METTL24: variants seen among roughly 807,000 people sequenced by gnomAD.
METTL24 encodes the protein methyltransferase like 24.
METTL24 carries 29 observed loss-of-function variants against 32.7 expected under a neutral mutation model. The ratio of observed to expected loss-of-function variants is 0.89; its 90% CI spans 0.66 to 1.21. The LOEUF is 1.21. Among genes scored for constraint, METTL24 ranks in the 50% most tolerant of loss-of-function variants. METTL24 has a pLI of 0.00. For synonymous variants in METTL24, 163 were observed against 179.5 expected (o/e 0.91, Z 0.73); for missense variants, 439 against 468.1 (o/e 0.94, Z 0.57).
intron 4 of METTL24, among the ~76,000 whole-genome samples, chr6:110,288,684 G>A (rs1015732886): frequency 6.6e-6 from 1 of 152,150 alleles, no homozygotes; most frequent in African/African-American, 2.4e-5. Flanking sequence ...AAAGGACACA[G>A]CAGAGCTCAA....
chr6:110,298,815 G>A (rs963680542), intron 4 of METTL24, 107 bp downstream of exon 4: 20 of 887,348 alleles, frequency 2.3e-5, no homozygotes, highest in Middle Eastern at 3.3e-4. Flanking sequence ...GATTAAAATC[G>A]GACCTTCAGC....
At chr6:110,354,810 G>T (rs1157130075) in intron 1 of METTL24, among the ~76,000 whole-genome samples, 1 of 152,122 alleles carries the variant, frequency 6.6e-6, no homozygotes, top group African/African-American at 2.4e-5. Context: ...ACAAATTCAA[G>T]ATCAACACTA....
chr6:110,250,975 T>G (rs952767022), intron 4 of METTL24, among the ~76,000 whole-genome samples: 2 of 152,234 alleles, frequency 1.3e-5, no homozygotes, highest in African/African-American at 2.4e-5. Context: ...AAGAGGGCTC[T>G]CAAGCAAAAC....
rs115552830 is a variant in METTL24 at position 110,250,987 on chromosome 6, C to T, written c.787-4727G>A. Among the ~76,000 whole-genome samples the T allele has an allele frequency of 4.0e-3, 606 of 152,348 alleles. 6 individuals are homozygous for T. The highest frequency in any genetic ancestry group is 0.012 in the African/African-American group (479 of 41,580). ...TTTAAGAGGGCTCTCAAGCAAAACA[C>T]GTAGATTCTACGACATGCCTGCTGG... is the stretch of plus-strand genomic sequence containing the variant. On this transcript the variant is annotated intron_variant, in intron 4 of 4. Coordinates refer to ENST00000338882, the MANE Select transcript of METTL24 (RefSeq NM_001123364.3).
At chr6:110,324,144 G>C (rs1771979408) in intron 1 of METTL24, among the ~76,000 whole-genome samples, 6 of 152,206 alleles carry the variant, frequency 3.9e-5, no homozygotes. Context: ...TGGGTTTGGG[G>C]AAGAGGAATC....
chr6:110,335,120 T>C (rs1772187999), intron 1 of METTL24, among the ~76,000 whole-genome samples: 1 of 152,168 alleles, frequency 6.6e-6, no homozygotes, highest in South Asian at 2.1e-4. Flanking sequence ...TCCACAGTCT[T>C]TATTACGAAG....
At chr6:110,273,659 A>G (rs1258848090) in intron 4 of METTL24, among the ~76,000 whole-genome samples, 1 of 152,254 alleles carries the variant, frequency 6.6e-6, no homozygotes, top group Non-Finnish European at 1.5e-5. Flanking sequence ...AATGCAAATC[A>G]AAACCACAAT....
intron 1 of METTL24, among the ~76,000 whole-genome samples, chr6:110,352,239 AT>A (rs1382304537): frequency 4.6e-5 from 7 of 152,182 alleles, no homozygotes; most frequent in African/African-American, 1.7e-4. Flanking sequence ...CTTAGCCTTG[AT>A]TGTCACTTTT....
chr6:110,355,851 C>T (rs1772687891), intron 1 of METTL24, among the ~76,000 whole-genome samples: 1 of 152,218 alleles, frequency 6.6e-6, no homozygotes, highest in Non-Finnish European at 1.5e-5. Flanking sequence ...CCCCCATCTC[C>T]AGCCTGAATC....
intron 4 of METTL24, among the ~76,000 whole-genome samples, chr6:110,248,943 C>A (rs1485517581): frequency 6.6e-6 from 1 of 151,898 alleles, no homozygotes; most frequent in Admixed American, 6.6e-5. Context: ...GTAAAATTTT[C>A]TAATTGGTAC....
chr6:110,275,425 T>TC (rs1393010567), intron 4 of METTL24, among the ~76,000 whole-genome samples: 2 of 152,060 alleles, frequency 1.3e-5, no homozygotes, highest in Non-Finnish European at 2.9e-5. Flanking sequence ...ATTTACCATT[T>TC]CCCCTTCCTT....
At chr6:110,319,339 G>A (rs1771886908) in intron 2 of METTL24, among the ~76,000 whole-genome samples, 1 of 151,740 alleles carries the variant, frequency 6.6e-6, no homozygotes, top group African/African-American at 2.4e-5. Flanking sequence ...GTTATATTCT[G>A]AATATCCAGA....
chr6:110,309,873 AAAC>A, intron 3 of METTL24, among the ~76,000 whole-genome samples: 3 of 151,360 alleles, frequency 2.0e-5, no homozygotes, highest in African/African-American at 7.3e-5. Flanking sequence ...AAAAAAAACA[AAAC>A]AAAACAAAAC....
intron 4 of METTL24, among the ~76,000 whole-genome samples, chr6:110,293,893 A>C (rs1244794131): frequency 1.3e-5 from 2 of 151,502 alleles, no homozygotes; most frequent in Non-Finnish European, 2.9e-5. Flanking sequence ...AAGAGCTCTA[A>C]TCTTTTTTTT....
At chr6:110,334,667 A>C (rs1321037588) in intron 1 of METTL24, among the ~76,000 whole-genome samples, 1 of 152,228 alleles carries the variant, frequency 6.6e-6, no homozygotes, top group Non-Finnish European at 1.5e-5. Context: ...CGGTTTCCTC[A>C]TGAGGCTATC....
chr6:110,336,649 A>G (rs1163997966), intron 1 of METTL24, among the ~76,000 whole-genome samples: 1 of 151,732 alleles, frequency 6.6e-6, no homozygotes, highest in Non-Finnish European at 1.5e-5. Flanking sequence ...CTGAGGCAGA[A>G]GAATGGGTGA....
In METTL24 at chr6:110,245,403, G is replaced by C. The variant is rs903353469; in HGVS notation, c.*543C>G. Among the ~76,000 whole-genome samples the C allele has an allele frequency of 6.6e-6, 1 of 152,104 alleles. No individual in the cohort carries two copies. Among genetic ancestry groups the C allele is most frequent in the Non-Finnish European group, 1.5e-5 (1 of 68,034 alleles). On this transcript the variant is annotated 3_prime_UTR_variant, in exon 5 of 5. Transcript: ENST00000338882. Reference sequence around the variant, plus strand: ...AGAATTTGGTGCATCCGAGTTCCCAGAAATCAGAAGTATTGCTGCTTAGAA... The same window carrying C: ...AGAATTTGGTGCATCCGAGTTCCCACAAATCAGAAGTATTGCTGCTTAGAA...
At position 110,303,403 on chromosome 6, in the gene METTL24, A is replaced by T. The variant is rs552843106; in HGVS notation, c.558-4253T>A. On this transcript the variant is annotated intron_variant, in intron 3 of 4. Coordinates refer to ENST00000338882, the MANE Select transcript of METTL24 (RefSeq NM_001123364.3). ...CCACCCCCAAGGAGCCCAGCAAGCT[A>T]AGATCCACTGGCTTGAAATTCTCGC... 2.5e-4 allele frequency among the ~76,000 whole-genome samples: 38 copies of T among 152,274 alleles called. No homozygotes were observed. The South Asian group carries it at 7.5e-3, about 30-fold the overall frequency.
chr6:110,294,511 C>T (rs1771376305), intron 4 of METTL24, among the ~76,000 whole-genome samples: 1 of 151,722 alleles, frequency 6.6e-6, no homozygotes, highest in Admixed American at 6.6e-5. Flanking sequence ...AAACCAAAGG[C>T]CAAATTTAAG....
Sources: gnomAD v4.1 joint callset for allele counts (sites outside exome capture counted in the v4.1 genomes callset) on GRCh38, gnomAD v4.1.1 for gene constraint, MANE v1.5 for transcripts, NCBI Gene and HGNC (gene_info 2026-07-23, HGNC 2026-07-21) for gene names.